Variants in ELAPOR2 observed in about 807,000 individuals in gnomAD.
The protein encoded by ELAPOR2 is endosome-lysosome associated apoptosis and autophagy regulator family member 2.
Under a neutral mutation model 120.7 loss-of-function variants are expected in ELAPOR2, and 89 were observed. That is an observed-to-expected ratio of 0.74 (90% CI 0.62 to 0.88). The LOEUF is 0.88. ELAPOR2 is among the 40% of genes least tolerant of loss of function. ELAPOR2 has a pLI of 0.00. For synonymous variants in ELAPOR2, 444 were observed against 444.9 expected, an observed-to-expected ratio of 1.00 and a Z score of 0.03; for missense variants, 1,134 against 1,251.6, an observed-to-expected ratio of 0.91 and a Z score of 1.42.
rs1007825163 is a variant in ELAPOR2, at chr7:86,881,578, G to A, written c.3031-1048C>T. Among the ~76,000 whole-genome samples the A allele has an allele frequency of 4.0e-5, 6 of 151,794 alleles. 1 individual carries two copies. The highest frequency in any genetic ancestry group is 9.7e-5 in the African/African-American group (4 of 41,312). On this transcript the variant is annotated intron_variant, in intron 21 of 21. Coordinates refer to ENST00000450689, the MANE Select transcript of ELAPOR2 (RefSeq NM_001142749.3). ...TCACTATGTTGGCCAGGCTGGTCTC[G>A]AACTCCTGTCCTCGTGATCCGCCCA...
chr7:86,892,779 G>C, intron 20 of ELAPOR2, 143 bp downstream of exon 20: 1 of 599,932 alleles, frequency 1.7e-6, no homozygotes, highest in African/African-American at 1.9e-5. Context: ...GCTTTCTCAA[G>C]GCCTTTCCTA....
At chr7:87,038,034 A>G (rs1281331547) in intron 1 of ELAPOR2, among the ~76,000 whole-genome samples, 7 of 152,212 alleles carry the variant, frequency 4.6e-5, no homozygotes, top group Non-Finnish European at 1.0e-4. Flanking sequence ...CCTGTGAGAT[A>G]CATGCTAGAT....
intron 3 of ELAPOR2, among the ~76,000 whole-genome samples, chr7:86,945,696 A>G (rs1790970525): frequency 6.6e-6 from 1 of 152,234 alleles, no homozygotes; most frequent in Non-Finnish European, 1.5e-5. Flanking sequence ...ATATAAAGGT[A>G]CAATAATAAC....
At chr7:86,937,334 G>A (rs1584371261) in intron 8 of ELAPOR2, among the ~76,000 whole-genome samples, 1 of 152,082 alleles carries the variant, frequency 6.6e-6, no homozygotes, top group Non-Finnish European at 1.5e-5. Flanking sequence ...AGAGAAGAAA[G>A]TAATAAATTC....
chr7:86,978,413 T>C (rs1792353258), intron 1 of ELAPOR2, among the ~76,000 whole-genome samples: 1 of 152,206 alleles, frequency 6.6e-6, no homozygotes, highest in Admixed American at 6.5e-5. Context: ...ATAATACACA[T>C]CTCTTCATCT....
At chr7:87,044,585 A>G (rs1202490345) in intron 1 of ELAPOR2, among the ~76,000 whole-genome samples, 5 of 151,152 alleles carry the variant, frequency 3.3e-5, no homozygotes, top group Admixed American at 1.3e-4. Flanking sequence ...TCCCTTCCTT[A>G]CACCTTATAC....
chr7:86,998,776 A>T (rs1793210137), intron 1 of ELAPOR2, among the ~76,000 whole-genome samples: 1 of 152,092 alleles, frequency 6.6e-6, no homozygotes, highest in African/African-American at 2.4e-5. Context: ...GGCAATTCTG[A>T]TCAATTTTTC....
At chr7:86,900,512 C>T (rs1343457796) in intron 18 of ELAPOR2, among the ~76,000 whole-genome samples, 6 of 152,100 alleles carry the variant, frequency 3.9e-5, no homozygotes, top group Non-Finnish European at 5.9e-5. Context: ...TAAAGAACTG[C>T]TAGAACCACA....
rs773616840 is a variant in ELAPOR2, at chr7:86,897,662, T to A, written c.2559-30A>T. 1.9e-5 allele frequency: 30 copies of A among 1,611,692 alleles called. No individual in the cohort carries two copies. The South Asian group carries it at 3.1e-4, about 17-fold the overall frequency. On this transcript the variant is annotated intron_variant, in intron 18 of 21. Coordinates refer to ENST00000450689, the MANE Select transcript of ELAPOR2 (RefSeq NM_001142749.3). ...AATCATAAACAAAACCAAAAACACATAAGTGGCAGCTTTTTAACCCATTCA... is the reference window on the plus strand; with the variant it reads ...AATCATAAACAAAACCAAAAACACAAAAGTGGCAGCTTTTTAACCCATTCA...
At chr7:87,040,461 C>A (rs1179345187) in intron 1 of ELAPOR2, among the ~76,000 whole-genome samples, 1 of 152,236 alleles carries the variant, frequency 6.6e-6, no homozygotes, top group Non-Finnish European at 1.5e-5. Flanking sequence ...GGGTCCCTGA[C>A]CCCCGAGCAA....
chr7:86,927,243 G>A (rs1429332317), intron 8 of ELAPOR2, among the ~76,000 whole-genome samples: 1 of 151,930 alleles, frequency 6.6e-6, no homozygotes, highest in African/African-American at 2.4e-5. Flanking sequence ...TTCCATAGCT[G>A]ACATAAGTTT....
intron 18 of ELAPOR2, among the ~76,000 whole-genome samples, chr7:86,903,260 T>C (rs7807203): frequency 0.37 from 56,411 of 152,036 alleles, 12,522 homozygotes; most frequent in African/African-American, 0.63. Flanking sequence ...AGCAATTCTG[T>C]TTTAGTTTTT....
chr7:86,895,179 T>C (rs1437404747), intron 19 of ELAPOR2, among the ~76,000 whole-genome samples: 3 of 152,102 alleles, frequency 2.0e-5, no homozygotes, highest in Non-Finnish European at 4.4e-5. Context: ...TCACGAAGCT[T>C]TGGTATCCAA....
chr7:87,059,614 C>T lies in ELAPOR2; in HGVS notation c.-101G>A, dbSNP rs1795375248. 1 of 1,096,408 alleles carries T rather than the reference C, an allele frequency of 9.1e-7. No homozygotes were observed. Among genetic ancestry groups the T allele is most frequent in the Non-Finnish European group, 1.1e-6 (1 of 900,054 alleles). The allele number at this position is 1,096,408 out of a possible 1,614,324, so 67.9% of individuals were successfully genotyped here. ...CCGCGACTGCTGTGCGCTCGTCTCGCCGCTCCGTCACCCGCTGCCCGTCCG... is the reference window on the plus strand; with the variant it reads ...CCGCGACTGCTGTGCGCTCGTCTCGTCGCTCCGTCACCCGCTGCCCGTCCG... On this transcript the variant is annotated 5_prime_UTR_variant, in exon 1 of 22. Coordinates refer to ENST00000450689, the MANE Select transcript of ELAPOR2 (RefSeq NM_001142749.3).
intron 1 of ELAPOR2, among the ~76,000 whole-genome samples, chr7:86,981,497 C>G (rs373539886): frequency 5.3e-5 from 8 of 152,306 alleles, no homozygotes; most frequent in African/African-American, 1.9e-4. Flanking sequence ...GCTATTCCTC[C>G]CACCATCTGC....
rs1799201195 is a variant in ELAPOR2, at chr7:86,877,183, C to T, written c.*3288G>A. Reference sequence around the variant, plus strand: ...TATTCATTCCCATCTTAAAGTTTTACTTCTTTCATTTATGATTCTAAAAGG... The same window carrying T: ...TATTCATTCCCATCTTAAAGTTTTATTTCTTTCATTTATGATTCTAAAAGG... On this transcript the variant is annotated 3_prime_UTR_variant, in exon 22 of 22. Coordinates refer to ENST00000450689, the MANE Select transcript of ELAPOR2 (RefSeq NM_001142749.3). The T allele has an allele frequency of 6.6e-6, 1 of 152,082 alleles. No individual in the cohort carries two copies. The highest frequency in any genetic ancestry group is 1.5e-5 in the Non-Finnish European group (1 of 68,000). The allele number at this position is 152,082 out of a possible 1,614,324, so 9.4% of individuals were successfully genotyped here. A position where few individuals can be genotyped will look rare whatever the true frequency, so the allele number is the denominator to read the frequency against.
At chr7:87,053,420 G>T (rs1795173736) in intron 1 of ELAPOR2, among the ~76,000 whole-genome samples, 1 of 152,136 alleles carries the variant, frequency 6.6e-6, no homozygotes, top group African/African-American at 2.4e-5. Context: ...TAAAACAAAT[G>T]GTGCCTTTGT....
chr7:87,049,558 A>C (rs1795046001), intron 1 of ELAPOR2, among the ~76,000 whole-genome samples: 1 of 152,176 alleles, frequency 6.6e-6, no homozygotes, highest in Admixed American at 6.5e-5. Flanking sequence ...CTGGGATTAC[A>C]GGCGCCTGGC....
At chr7:86,886,179 T>G (rs1241168417) in intron 21 of ELAPOR2, among the ~76,000 whole-genome samples, 1 of 152,142 alleles carries the variant, frequency 6.6e-6, no homozygotes, top group East Asian at 1.9e-4. Flanking sequence ...TCATTGGAAC[T>G]ATGTAAGCAG....
Sources: gnomAD v4.1 joint callset for allele counts (sites outside exome capture counted in the v4.1 genomes callset) on GRCh38, gnomAD v4.1.1 for gene constraint, MANE v1.5 for transcripts, NCBI Gene and HGNC (gene_info 2026-07-23, HGNC 2026-07-21) for gene names.